ATP2C2: variants seen among roughly 807,000 people sequenced by gnomAD.
ATP2C2 encodes calcium-transporting ATPase type 2C member 2.
A neutral mutation model predicts 110.8 loss-of-function variants in ATP2C2; 171 were observed. That is an observed-to-expected ratio of 1.54 (90% CI 1.36 to 1.75). ATP2C2 has a LOEUF of 1.75. Ranked by LOEUF, ATP2C2 falls within the 40% of genes most tolerant of loss-of-function variation. The pLI is 0.00. For missense variants in ATP2C2, 1,963 were observed against 1,235.0 expected, an observed-to-expected ratio of 1.59 and a Z score of -8.84; for synonymous variants, 804 against 508.4, an observed-to-expected ratio of 1.58 and a Z score of -7.82.
chr16:84,410,776 G>T lies in ATP2C2; in HGVS notation c.515+11G>T. On this transcript the variant is annotated intron_variant, in intron 6 of 26. Transcript: ENST00000262429. ...TCCAGAATGTAACTGGTAAGTCAGA[G>T]CCTCCCTGGGACTTTTTGGTTCACT... The T allele has an allele frequency of 4.3e-6, 7 of 1,613,178 alleles. No individual in the cohort carries two copies. Among genetic ancestry groups the T allele is most frequent in the Non-Finnish European group, 5.9e-6 (7 of 1,179,212 alleles).
chr16:84,402,295 A>T (rs968031321), intron 2 of ATP2C2, among the ~76,000 whole-genome samples: 1 of 152,186 alleles, frequency 6.6e-6, no homozygotes, highest in Admixed American at 6.5e-5. Flanking sequence ...TTCCTTTCCA[A>T]TTTGGATGCC....
At chr16:84,393,861 A>T (rs921906486) in intron 1 of ATP2C2, among the ~76,000 whole-genome samples, 1 of 151,762 alleles carries the variant, frequency 6.6e-6, no homozygotes, top group Non-Finnish European at 1.5e-5. Context: ...AAATGGCTTT[A>T]AAAAAACAAA....
In ATP2C2 at chr16:84,440,943, G is replaced by A. The variant is rs1410967197; in HGVS notation, c.1296G>A (p.Val432=). 3.1e-6 allele frequency: 5 copies of A among 1,612,090 alleles called. No individual in the cohort carries two copies. The highest frequency in any genetic ancestry group is 1.3e-5 in the African/African-American group (1 of 74,892). Residue 432 remains valine, a synonymous_variant, in exon 14 of 27, where the codon GTG becomes GTA. Transcript: ENST00000262429. ...EVIKEFSNVS[V]GKLVEAGCVA... is the part of the protein sequence containing the mutation. Reference sequence around the variant, plus strand: ...TTAAGGAATTTTCCAATGTCTCAGTGGGAAAGTTAGTGGAGGTAGGTGTCA... The same window carrying A: ...TTAAGGAATTTTCCAATGTCTCAGTAGGAAAGTTAGTGGAGGTAGGTGTCA...
chr16:84,463,165 G>C lies in ATP2C2; in HGVS notation c.2723-449G>C, dbSNP rs1050765285. 4.1e-4 allele frequency among the ~76,000 whole-genome samples: 62 copies of C among 151,442 alleles called. 1 individual carries two copies. Among genetic ancestry groups the C allele is most frequent in the African/African-American group, 1.4e-3 (58 of 41,190 alleles). On this transcript the variant is annotated intron_variant, in intron 26 of 26. Coordinates refer to ENST00000262429, the MANE Select transcript of ATP2C2 (RefSeq NM_014861.4). ...GGGATGGTTCCTCAAAACAGCATGT[G>C]ACAGGAGCAGAGGGAGACGCTGGGA... is the stretch of plus-strand genomic sequence containing the variant.
chr16:84,453,356 G>A lies in ATP2C2; in HGVS notation c.1965G>A (p.Lys655=), dbSNP rs748372609. Reference sequence around the variant, plus strand: ...TCTTCAGGACCAGCCCAAAGCACAAGCTCAAAATCATCAAGGTTCGCTGGG... The same window carrying A: ...TCTTCAGGACCAGCCCAAAGCACAAACTCAAAATCATCAAGGTTCGCTGGG... ...SVFFRTSPKH[K]LKIIKALQES... is the part of the protein sequence containing the mutation. Residue 655 remains lysine (K), a synonymous_variant, in exon 20 of 27, where the codon AAG becomes AAA. Coordinates refer to ENST00000262429, the MANE Select transcript of ATP2C2 (RefSeq NM_014861.4). The A allele has an allele frequency of 1.9e-6, 3 of 1,614,200 alleles. No homozygotes were observed. The highest frequency in any genetic ancestry group is 3.3e-5 in the Admixed American group (2 of 60,026).
intron 7 of ATP2C2, among the ~76,000 whole-genome samples, chr16:84,421,537 C>G (rs1002033972): frequency 2.0e-5 from 3 of 152,214 alleles, no homozygotes; most frequent in Middle Eastern, 3.4e-3. Flanking sequence ...GCTTACATGA[C>G]CAGGTCCCTA....
At chr16:84,442,353 G>A (rs1317466148) in intron 14 of ATP2C2, among the ~76,000 whole-genome samples, 157 bp from the exon 15 acceptor site, 1 of 152,152 alleles carries the variant, frequency 6.6e-6, no homozygotes, top group Non-Finnish European at 1.5e-5. Flanking sequence ...CCAAGAAATA[G>A]TCACGATGTT....
At position 84,459,609 on chromosome 16, in the gene ATP2C2, C is replaced by G. The variant is rs780252370; in HGVS notation, c.2333+223C>G. 3 of 1,531,060 alleles carry G rather than the reference C, an allele frequency of 2.0e-6. No individual in the cohort carries two copies. The South Asian group carries it at 3.6e-5, about 18-fold the overall frequency. The allele number at this position is 1,531,060 out of a possible 1,614,324, so 94.8% of individuals were successfully genotyped here. On this transcript the variant is annotated intron_variant, in intron 23 of 26. Coordinates refer to ENST00000262429, the MANE Select transcript of ATP2C2 (RefSeq NM_014861.4). ...CAGAGCTGGGTGAGGATGGAACTTTCTGCTCCCTCTGCCTGGATGCTCTCT... is the reference window on the plus strand; with the variant it reads ...CAGAGCTGGGTGAGGATGGAACTTTGTGCTCCCTCTGCCTGGATGCTCTCT...
rs762340092 is a variant in ATP2C2, at chr16:84,454,910, G to A, written c.2073G>A (p.Met691Ile). 1.9e-6 allele frequency: 3 copies of A among 1,613,920 alleles called. No individual in the cohort carries two copies. Among genetic ancestry groups the A allele is most frequent in the South Asian group, 2.2e-5 (2 of 91,070 alleles). Reference protein sequence around the residue: ...ALKSADIGIAMGQTGTDVSKE... With the variant: ...ALKSADIGIAIGQTGTDVSKE... Reference sequence around the variant, plus strand: ...AGTCTGCAGACATTGGGATCGCCATGGGGCAGACAGGGACGGACGTCAGCA... The same window carrying A: ...AGTCTGCAGACATTGGGATCGCCATAGGGCAGACAGGGACGGACGTCAGCA... Residue 691 changes from methionine to isoleucine, a missense_variant, in exon 21 of 27, where the codon ATG (methionine) becomes ATA (isoleucine). Coordinates refer to ENST00000262429, the MANE Select transcript of ATP2C2 (RefSeq NM_014861.4).
intron 11 of ATP2C2, among the ~76,000 whole-genome samples, chr16:84,436,852 TC>T (rs1908788392): frequency 7.1e-6 from 1 of 140,336 alleles, no homozygotes; most frequent in Non-Finnish European, 1.5e-5. Context: ...AACCTCCACC[TC>T]CCAGGTTCAA....
chr16:84,389,472 A>G (rs573357890), intron 1 of ATP2C2, among the ~76,000 whole-genome samples: 1 of 152,242 alleles, frequency 6.6e-6, no homozygotes, highest in South Asian at 2.1e-4. Flanking sequence ...ATTTCAAACA[A>G]TAAGTGCACG....
At chr16:84,396,836 T>G (rs1252108626) in intron 1 of ATP2C2, among the ~76,000 whole-genome samples, 1 of 151,924 alleles carries the variant, frequency 6.6e-6, no homozygotes, top group Non-Finnish European at 1.5e-5. Context: ...TGCTTAAAGA[T>G]CTGCGTAATC....
Position 84,462,097 on chromosome 16 carries a change from G to C in ATP2C2, c.2690G>C (p.Arg897Thr), listed in dbSNP as rs1375918922. 4 of 1,613,976 alleles carry C rather than the reference G, an allele frequency of 2.5e-6. No individual in the cohort carries two copies. The highest frequency in any genetic ancestry group is 2.2e-5 in the East Asian group (1 of 44,864). Residue 897 changes from arginine to threonine, a missense_variant, in exon 26 of 27, where the codon AGG (arginine) becomes ACG (threonine). By Grantham distance (71) the Arg-to-Thr change is moderately conservative. Coordinates refer to ENST00000262429, the MANE Select transcript of ATP2C2 (RefSeq NM_014861.4). ...GTCATTTACATCCCCCCGCTGCAGA[G>C]GGTCTTCCAGACGGAGAACCTGGGA... Reference protein sequence around the residue: ...LAVIYIPPLQRVFQTENLGAL... With the variant: ...LAVIYIPPLQTVFQTENLGAL...
intron 1 of ATP2C2, among the ~76,000 whole-genome samples, chr16:84,375,260 G>A (rs1910183462): frequency 6.6e-6 from 1 of 152,150 alleles, no homozygotes; most frequent in South Asian, 2.1e-4. Context: ...CGTCAAACAC[G>A]GCCCGGCGCA....
intron 26 of ATP2C2, 159 bp downstream of exon 26, chr16:84,462,288 G>A (rs1237432883): frequency 1.3e-5 from 12 of 950,546 alleles, no homozygotes; most frequent in African/African-American, 4.9e-5. Context: ...CTCACAGGAA[G>A]GGACTCTAAC....
intron 1 of ATP2C2, among the ~76,000 whole-genome samples, chr16:84,379,185 G>GTTTCC (rs1350570206): frequency 4.2e-4 from 56 of 132,962 alleles, no homozygotes; most frequent in African/African-American, 1.5e-3. Flanking sequence ...CTCTCCTGTC[G>GTTTCC]TTTCCTTTCC....
At chr16:84,448,766 C>A in intron 17 of ATP2C2, 77 bp downstream of exon 17, 1 of 1,527,694 alleles carries the variant, frequency 6.5e-7, no homozygotes, top group African/African-American at 1.4e-5. Context: ...AAGCAGGGTC[C>A]CTAGTCAAGG....
rs556400797 is a variant in ATP2C2, at chr16:84,430,369, G to A, written c.986+4568G>A. Reference sequence around the variant, plus strand: ...GTAAAGTCAGTTCTGGGCCGGGTGCGGTGGCTCACGTCTGTAATCCCAGCA... The same window carrying A: ...GTAAAGTCAGTTCTGGGCCGGGTGCAGTGGCTCACGTCTGTAATCCCAGCA... On this transcript the variant is annotated intron_variant, in intron 11 of 26. Transcript: ENST00000262429. 5.3e-5 allele frequency among the ~76,000 whole-genome samples: 8 copies of A among 152,222 alleles called. No homozygotes were observed. The South Asian group carries it at 1.0e-3, about 20-fold the overall frequency.
At chr16:84,422,169 T>C (rs973438662) in intron 7 of ATP2C2, among the ~76,000 whole-genome samples, 1 of 152,144 alleles carries the variant, frequency 6.6e-6, no homozygotes, top group Admixed American at 6.5e-5. Flanking sequence ...TCGAACAACA[T>C]TAAGCAAAGA....
Sources: allele counts gnomAD v4.1 joint callset (sites outside exome capture counted in the v4.1 genomes callset), GRCh38; gene constraint gnomAD v4.1.1; transcripts MANE v1.5; gene names NCBI Gene and HGNC (gene_info 2026-07-23, HGNC 2026-07-21).